CDIN1: variants seen among roughly 807,000 people sequenced by gnomAD.
CDIN1 encodes the protein CDAN1 interacting nuclease 1.
Under a neutral mutation model 45.3 loss-of-function variants are expected in CDIN1, and 33 were observed. The ratio of observed to expected loss-of-function variants is 0.73; its 90% CI spans 0.55 to 0.97. The LOEUF is 0.97. Ranked by LOEUF, CDIN1 falls within the 50% of genes least tolerant of loss-of-function variation. The probability of loss-of-function intolerance (pLI) is 0.00; values close to 1 mark genes in which losing one functional copy is unlikely to be tolerated. For missense variants in CDIN1, 303 were observed against 339.4 expected (o/e 0.89, Z 0.84); for synonymous variants, 118 against 124.4 (o/e 0.95, Z 0.34).
intron 1 of CDIN1, among the ~76,000 whole-genome samples, chr15:36,585,851 C>G (rs2037270590): frequency 6.6e-6 from 1 of 152,146 alleles, no homozygotes; most frequent in African/African-American, 2.4e-5. Context: ...TACAGTAGAA[C>G]TAGTATGTTT....
chr15:36,718,992 T>C (rs1325332632), intron 10 of CDIN1, among the ~76,000 whole-genome samples: 1 of 151,674 alleles, frequency 6.6e-6, no homozygotes, highest in Non-Finnish European at 1.5e-5. Flanking sequence ...GGGAGACCAG[T>C]GCAGGAGAAT....
At chr15:36,800,808 G>A (rs2054987832) in intron 10 of CDIN1, among the ~76,000 whole-genome samples, 1 of 148,310 alleles carries the variant, frequency 6.7e-6, no homozygotes, top group Admixed American at 6.8e-5. Context: ...ACCCCACACA[G>A]CAACTCATAA....
intron 10 of CDIN1, among the ~76,000 whole-genome samples, chr15:36,775,950 G>A (rs951904455): frequency 3.3e-5 from 5 of 152,056 alleles, no homozygotes; most frequent in African/African-American, 7.2e-5. Context: ...TCTAGTAATC[G>A]ATTAATATAT....
intron 10 of CDIN1, chr15:36,799,604 C>G (rs1245524033): frequency 6.6e-6 from 1 of 152,190 alleles, no homozygotes; most frequent in Non-Finnish European, 1.5e-5. Context: ...ATTGTCATTG[C>G]TCTAATTAGT....
intron 10 of CDIN1, among the ~76,000 whole-genome samples, chr15:36,749,642 A>C (rs2053405135): frequency 6.6e-6 from 1 of 152,238 alleles, no homozygotes; most frequent in Admixed American, 6.5e-5. Flanking sequence ...TTGCATCAGT[A>C]ATTGAACAGT....
intron 10 of CDIN1, among the ~76,000 whole-genome samples, chr15:36,733,780 T>C (rs1398943243): frequency 1.3e-5 from 2 of 152,152 alleles, no homozygotes; most frequent in Non-Finnish European, 2.9e-5. Flanking sequence ...GCACAGTCTT[T>C]TCGCATATGA....
intron 10 of CDIN1, among the ~76,000 whole-genome samples, chr15:36,804,129 A>G (rs895435542): frequency 2.0e-5 from 3 of 152,078 alleles, no homozygotes; most frequent in Admixed American, 6.5e-5. Context: ...AATTGTACCA[A>G]CCTCATGGAG....
chr15:36,625,694 C>A (rs1412132780), intron 1 of CDIN1, among the ~76,000 whole-genome samples: 1 of 152,132 alleles, frequency 6.6e-6, no homozygotes, highest in Non-Finnish European at 1.5e-5. Flanking sequence ...CTCGGGAGAG[C>A]CTGGCCCAGT....
intron 10 of CDIN1, among the ~76,000 whole-genome samples, chr15:36,773,094 A>G (rs1016732474): frequency 8.5e-5 from 13 of 152,192 alleles, no homozygotes; most frequent in Non-Finnish European, 1.6e-4. Context: ...TTCAGGAAAA[A>G]AATATCCCAG....
chr15:36,695,230 G>A (rs1411792866), intron 7 of CDIN1, among the ~76,000 whole-genome samples: 5 of 152,014 alleles, frequency 3.3e-5, no homozygotes, highest in Non-Finnish European at 7.4e-5. Context: ...AAATAACGAA[G>A]TTTTATTTAA....
chr15:36,636,524 C>T (rs547304808), intron 1 of CDIN1, among the ~76,000 whole-genome samples: 5 of 152,114 alleles, frequency 3.3e-5, no homozygotes, highest in African/African-American at 1.2e-4. Flanking sequence ...TGTGCTCCAG[C>T]CTGAGCGACA....
At chr15:36,619,736 A>G (rs1413291549) in intron 1 of CDIN1, among the ~76,000 whole-genome samples, 1 of 152,110 alleles carries the variant, frequency 6.6e-6, no homozygotes, top group Non-Finnish European at 1.5e-5. Context: ...TTACTTTTTA[A>G]AATCTATTTA....
intron 10 of CDIN1, 42 bp from the exon 11 acceptor site, chr15:36,808,282 G>A (rs1047507154): frequency 4.4e-6 from 7 of 1,609,068 alleles, no homozygotes; most frequent in Non-Finnish European, 5.9e-6. Context: ...CAAGAGCTCT[G>A]TTGATACCAT....
At chr15:36,785,306 A>G (rs1050382576) in intron 10 of CDIN1, among the ~76,000 whole-genome samples, 2 of 152,210 alleles carry the variant, frequency 1.3e-5, no homozygotes, top group East Asian at 1.9e-4. Flanking sequence ...TGATGATACC[A>G]TATTTCAATA....
At chr15:36,709,760 G>C in intron 9 of CDIN1, 96 bp from the exon 10 acceptor site, 2 of 862,446 alleles carry the variant, frequency 2.3e-6, no homozygotes, top group Non-Finnish European at 3.9e-6. Flanking sequence ...CTAAGCCTGT[G>C]CTCATTAATG....
chr15:36,617,500 A>G (rs1237455767), intron 1 of CDIN1: 13 of 875,620 alleles, frequency 1.5e-5, no homozygotes, highest in Non-Finnish European at 2.6e-5. Context: ...AAATTTGTCA[A>G]AGAATCTTTA....
At chr15:36,774,167 C>CGCGCGT (rs1205647364) in intron 10 of CDIN1, among the ~76,000 whole-genome samples, 14 of 127,276 alleles carry the variant, frequency 1.1e-4, no homozygotes, top group East Asian at 1.0e-3. Context: ...TGTGTGTGCG[C>CGCGCGT]GCGCGCGCAT....
chr15:36,614,889 ATT>A (rs1217820152), intron 1 of CDIN1, among the ~76,000 whole-genome samples: 3 of 152,140 alleles, frequency 2.0e-5, no homozygotes, highest in African/African-American at 7.2e-5. Context: ...CTGAGACAAA[ATT>A]TTTGTCCCAT....
In CDIN1 at chr15:36,809,191, G is replaced by A. The variant is rs1418334891; in HGVS notation, c.*738G>A. The A allele has an allele frequency of 7.0e-6, 2 of 285,004 alleles. No individual in the cohort carries two copies. Among genetic ancestry groups the A allele is most frequent in the Non-Finnish European group, 1.4e-5 (2 of 143,624 alleles). 17.7% of individuals were successfully genotyped at this position (285,004 alleles called of 1,614,324 possible). ...TATTTGAAAGTATTAGTTCCATTGTGCCTGGAAACCACACTCCTTTAGATT... is the reference window on the plus strand; with the variant it reads ...TATTTGAAAGTATTAGTTCCATTGTACCTGGAAACCACACTCCTTTAGATT... On this transcript the variant is annotated 3_prime_UTR_variant, in exon 11 of 11. Transcript: ENST00000566621.
Sources: gnomAD v4.1 joint callset for allele counts (sites outside exome capture counted in the v4.1 genomes callset) on GRCh38, gnomAD v4.1.1 for gene constraint, MANE v1.5 for transcripts, NCBI Gene and HGNC (gene_info 2026-07-23, HGNC 2026-07-21) for gene names.